Variants in METTL9 observed in about 807,000 individuals in gnomAD.
METTL9 encodes protein-L-histidine N-pros-methyltransferase.
In METTL9, 10 loss-of-function variants were observed where a neutral mutation model predicts 36.0. The ratio of observed to expected loss-of-function variants is 0.28; its 90% CI spans 0.17 to 0.47. The LOEUF is 0.47. Ranked by LOEUF, METTL9 falls within the 20% of genes least tolerant of loss-of-function variation. METTL9 has a pLI of 0.99. For missense variants in METTL9, 246 were observed against 383.5 expected, an observed-to-expected ratio of 0.64 and a Z score of 3.00; for synonymous variants, 175 against 149.7, an observed-to-expected ratio of 1.17 and a Z score of -1.23.
chr16:21,609,356 T>A (rs1965370102), intron 1 of METTL9, among the ~76,000 whole-genome samples: 1 of 152,170 alleles, frequency 6.6e-6, no homozygotes, highest in African/African-American at 2.4e-5. Context: ...TCATTTTCTC[T>A]GCCTTTATGA....
chr16:21,647,169 T>C lies in METTL9; in HGVS notation c.752-8058T>C, dbSNP rs770779016. Reference sequence around the variant, plus strand: ...AGTGTGGTCCCTCCTCCTGTCTGTTTAGCTCTCGCTTCCGGCACACTGGGG... The same window carrying C: ...AGTGTGGTCCCTCCTCCTGTCTGTTCAGCTCTCGCTTCCGGCACACTGGGG... On this transcript the variant is annotated intron_variant, in intron 4 of 4. Transcript: ENST00000358154. 1.9e-6 allele frequency: 3 copies of C among 1,614,062 alleles called. No homozygotes were observed. The Admixed American group carries it at 5.0e-5, about 27-fold the overall frequency.
rs145976497 is a variant in METTL9, at chr16:21,638,297, G to A, written c.751+13182G>A. ...CACGCCATTGTACTCCAGCCTGAGC[G>A]TCAAGAGCAAAACTCCATCTCAAGA... On this transcript the variant is annotated intron_variant, in intron 4 of 4. Transcript: ENST00000358154. Among the ~76,000 whole-genome samples the A allele has an allele frequency of 8.9e-3, 1,352 of 152,244 alleles. 46 individuals carry two copies. The highest frequency in any genetic ancestry group is 0.083 in the East Asian group (430 of 5,186).
chr16:21,605,257 CTTTTTTTTTTTTTTTTTTTTTTTTTTT>C (rs3046231), intron 1 of METTL9, among the ~76,000 whole-genome samples: 1 of 51,204 alleles, frequency 2.0e-5, no homozygotes, highest in Non-Finnish European at 3.9e-5. Context: ...GGCTTGCCTT[CTTTTTTTTTTTTTTTTTTTTTTTTTTT>C]TTTTTTTTTT....
chr16:21,637,704 G>A (rs993471814), intron 4 of METTL9, among the ~76,000 whole-genome samples: 8 of 152,236 alleles, frequency 5.3e-5, no homozygotes, highest in Admixed American at 1.3e-4. Flanking sequence ...GTGCTGGCCC[G>A]CGTGCGCTGC....
At position 21,599,760 on chromosome 16, in the gene METTL9, C is replaced by T. The variant is rs369580714; in HGVS notation, c.27C>T (p.Cys9=). 54 of 1,534,838 alleles carry T rather than the reference C, an allele frequency of 3.5e-5. No individual in the cohort carries two copies. The highest frequency in any genetic ancestry group is 3.7e-4 in the Middle Eastern group (2 of 5,400). Residue 9 remains cysteine, a synonymous_variant, in exon 1 of 5, where the codon TGC becomes TGT. Coordinates refer to ENST00000358154, the MANE Select transcript of METTL9 (RefSeq NM_016025.5). This position sits in a 1 kb window ranked among gnomAD's most constrained non-coding sequence, Gnocchi z 4.4. ...TGAGACTGCTGGCGGGCTGGCTGTGCCTGAGCCTGGCGTCCGTGTGGCTGG... is the reference window on the plus strand; with the variant it reads ...TGAGACTGCTGGCGGGCTGGCTGTGTCTGAGCCTGGCGTCCGTGTGGCTGG... The part of the protein sequence containing the change: MRLLAGWL[C]LSLASVWLAR...
chr16:21,637,259 G>A (rs972255070), intron 4 of METTL9, among the ~76,000 whole-genome samples: 2 of 152,166 alleles, frequency 1.3e-5, no homozygotes, highest in African/African-American at 4.8e-5. Context: ...TTTTGACAGA[G>A]CGCTGATTTG....
chr16:21,603,945 A>G (rs927544273), intron 1 of METTL9, among the ~76,000 whole-genome samples: 2 of 152,238 alleles, frequency 1.3e-5, no homozygotes, highest in Non-Finnish European at 1.5e-5. Context: ...AATTCAAGAA[A>G]GAATTAAAAT....
In METTL9 at chr16:21,618,012, A is replaced by T. The variant is rs535262419; in HGVS notation, c.504A>T (p.Glu168Asp). 1 of 1,612,190 alleles carries T rather than the reference A, an allele frequency of 6.2e-7. No individual in the cohort carries two copies. Among genetic ancestry groups the T allele is most frequent in the East Asian group, 2.2e-5 (1 of 44,862 alleles). Residue 168 changes from glutamate to aspartate, a missense_variant, in exon 3 of 5, where the codon GAA (glutamate) becomes GAT (aspartate). Coordinates refer to ENST00000358154, the MANE Select transcript of METTL9 (RefSeq NM_016025.5). ...EVTKIMSPHF[E>D]EIYATELSET... ...CAAAAATCATGAGCCCTCATTTTGA[A>T]GAAATCTATGCCACTGAGCTTTCTG...
chr16:21,640,596 C>CAAAAAA (rs368761095), intron 4 of METTL9: 1 of 65,586 alleles, frequency 1.5e-5, no homozygotes, highest in Non-Finnish European at 3.3e-5. Flanking sequence ...ACTAAAAATA[C>CAAAAAA]AAAAAAAAAA....
At chr16:21,598,969 C>A (rs1030341508), upstream of METTL9, among the ~76,000 whole-genome samples, 8 of 152,038 alleles carry the variant, frequency 5.3e-5, no homozygotes, top group Non-Finnish European at 5.9e-5. Context: ...ACGGGGCAGG[C>A]GGGTCGTGGT....
intron 4 of METTL9, chr16:21,643,142 G>A (rs1417417552): frequency 2.5e-6 from 4 of 1,604,948 alleles, no homozygotes; most frequent in Admixed American, 1.7e-5. Context: ...AAAATACGCC[G>A]AGCACTCTTC....
chr16:21,611,734 G>T (rs933132054), intron 1 of METTL9, among the ~76,000 whole-genome samples: 5 of 152,186 alleles, frequency 3.3e-5, no homozygotes, highest in Non-Finnish European at 7.3e-5. Flanking sequence ...AGATTTAAGT[G>T]ATTTGTCTGA....
At chr16:21,647,273 AG>A (rs1486123051) in intron 4 of METTL9, 2 of 1,614,124 alleles carry the variant, frequency 1.2e-6, no homozygotes, top group Admixed American at 3.3e-5. Flanking sequence ...GTTTTCTTTG[AG>A]GGCCTCCCTC....
chr16:21,612,733 TAAAC>T lies in METTL9; in HGVS notation c.257_260del (p.Asn86ThrfsTer35). On this transcript the variant is annotated frameshift_variant, in exon 2 of 5. Transcript: ENST00000358154. LOFTEE classifies it high-confidence loss of function. ...CTTGATCAAGGAACACAGATCTTCT[TAAAC>T]AACAGCATTGAGAAATCGGGCTGGC... is the stretch of plus-strand genomic sequence containing the variant. The T allele has an allele frequency of 6.2e-7, 1 of 1,613,452 alleles. No individual in the cohort carries two copies. The highest frequency in any genetic ancestry group is 1.3e-5 in the African/African-American group (1 of 74,934).
intron 4 of METTL9, chr16:21,653,156 A>G (rs116244329): frequency 0.015 from 2,311 of 152,220 alleles, 72 homozygotes; most frequent in African/African-American, 0.053. Context: ...CAGGGTCTCT[A>G]TCACCCAGGC....
At chr16:21,631,449 T>A (rs999219207) in intron 4 of METTL9, among the ~76,000 whole-genome samples, 1 of 152,220 alleles carries the variant, frequency 6.6e-6, no homozygotes, top group Non-Finnish European at 1.5e-5. Flanking sequence ...CCTTCCTGAT[T>A]CTGTAAGTAC....
intron 4 of METTL9, chr16:21,652,634 T>G: frequency 6.4e-7 from 1 of 1,558,282 alleles, no homozygotes; most frequent in Non-Finnish European, 8.8e-7. Flanking sequence ...GGTGTGTATT[T>G]GAAAGGAAAG....
Position 21,655,434 on chromosome 16 carries a change from C to T in METTL9, c.*2C>T, listed in dbSNP as rs558576486. 1.9e-6 allele frequency: 3 copies of T among 1,612,670 alleles called. No homozygotes were observed. The highest frequency in any genetic ancestry group is 2.7e-5 in the African/African-American group (2 of 75,002). On this transcript the variant is annotated 3_prime_UTR_variant, in exon 5 of 5. Coordinates refer to ENST00000358154, the MANE Select transcript of METTL9 (RefSeq NM_016025.5). ...GTCTTTGTTCTCAAACCAGTATAAA[C>T]ACGTGGAGGTCGAAGTCTTCAGAGT...
chr16:21,599,329 A>T, upstream of METTL9: 1 of 900,542 alleles, frequency 1.1e-6, no homozygotes, highest in South Asian at 4.6e-5. This position sits in a 1 kb window ranked among gnomAD's most constrained non-coding sequence, Gnocchi z 4.4. Flanking sequence ...CCCTCAAAAA[A>T]ATTAAAACCA....
Sources: gnomAD v4.1 joint callset for allele counts (sites outside exome capture counted in the v4.1 genomes callset) on GRCh38, gnomAD v4.1.1 for gene constraint, Gnocchi (gnomAD v3.1) non-coding constraint, MANE v1.5 for transcripts, NCBI Gene and HGNC (gene_info 2026-07-23, HGNC 2026-07-21) for gene names.